The following RELN variants were observed in gnomAD, a reference collection of about 807,000 sequenced individuals.
RELN encodes the protein reelin.
RELN carries 108 observed loss-of-function variants against 427.6 expected under a neutral mutation model. The ratio of observed to expected loss-of-function variants is 0.25; its 90% CI spans 0.22 to 0.30. The LOEUF (loss-of-function observed/expected upper bound fraction) is 0.30, where lower values mean the gene tolerates loss of function less well. RELN is among the 10% of genes least tolerant of loss of function. The pLI, the probability that RELN is intolerant of heterozygous loss-of-function variation, is 1.00. For synonymous variants in RELN, 1,524 were observed against 1,513.4 expected, an observed-to-expected ratio of 1.01 and a Z score of -0.16; for missense variants, 3,715 against 4,302.8, an observed-to-expected ratio of 0.86 and a Z score of 3.82.
intron 1 of RELN, among the ~76,000 whole-genome samples, chr7:103,944,701 G>C (rs926878826): frequency 2.0e-5 from 3 of 152,150 alleles, no homozygotes; most frequent in Middle Eastern, 3.2e-3. Flanking sequence ...GCCAGGTCAT[G>C]GGCTGGGTTG....
intron 1 of RELN, among the ~76,000 whole-genome samples, chr7:103,923,719 T>C (rs986163653): frequency 2.6e-5 from 4 of 152,096 alleles, no homozygotes; most frequent in Non-Finnish European, 4.4e-5. Flanking sequence ...GCCCACCTAG[T>C]ATAGTCTCCT....
chr7:103,761,843 T>C (rs1253505498), intron 4 of RELN, among the ~76,000 whole-genome samples: 1 of 152,136 alleles, frequency 6.6e-6, no homozygotes, highest in Non-Finnish European at 1.5e-5. Flanking sequence ...AGTTCATAGA[T>C]GGAGCAGATG....
intron 12 of RELN, among the ~76,000 whole-genome samples, chr7:103,657,647 A>G (rs564130131): frequency 7.9e-5 from 12 of 152,258 alleles, no homozygotes; most frequent in African/African-American, 2.9e-4. Flanking sequence ...CCCAGCCCAG[A>G]ATGGCAGAAG....
intron 3 of RELN, among the ~76,000 whole-genome samples, chr7:103,778,690 C>T (rs1215123315): frequency 6.6e-6 from 1 of 152,130 alleles, no homozygotes; most frequent in Non-Finnish European, 1.5e-5. Context: ...TTATTTGTTG[C>T]CTTCATTAAT....
chr7:103,905,311 T>C (rs1298377450), intron 2 of RELN, among the ~76,000 whole-genome samples: 2 of 152,098 alleles, frequency 1.3e-5, no homozygotes, highest in Admixed American at 6.6e-5. Flanking sequence ...AGATACTTAA[T>C]CACTGTCCTA....
intron 10 of RELN, among the ~76,000 whole-genome samples, chr7:103,686,093 G>C (rs1209668319): frequency 6.6e-6 from 1 of 152,128 alleles, no homozygotes; most frequent in Non-Finnish European, 1.5e-5. Flanking sequence ...GATTCTTTCA[G>C]GCATCTGTAG....
At chr7:103,926,811 A>AT (rs899609858) in intron 1 of RELN, among the ~76,000 whole-genome samples, 5 of 151,356 alleles carry the variant, frequency 3.3e-5, no homozygotes, top group Admixed American at 2.6e-4. Flanking sequence ...CATCCAGCTA[A>AT]TTTTTTTTGT....
intron 2 of RELN, among the ~76,000 whole-genome samples, chr7:103,889,938 G>C (rs1193763946): frequency 6.6e-6 from 1 of 152,164 alleles, no homozygotes. Flanking sequence ...TTAGTTGGCA[G>C]TTTTAGTGTG....
chr7:103,581,099 G>A (rs974313393), intron 28 of RELN, among the ~76,000 whole-genome samples: 2 of 152,260 alleles, frequency 1.3e-5, no homozygotes, highest in Admixed American at 6.5e-5. Flanking sequence ...ATGTTCTCAG[G>A]GGGTGAAGTC....
chr7:103,773,114 T>A (rs900830306), intron 4 of RELN, among the ~76,000 whole-genome samples: 1 of 68,558 alleles, frequency 1.5e-5, no homozygotes, highest in South Asian at 5.7e-4. Flanking sequence ...CTTTCTTTCT[T>A]TCTTTCTTTC....
intron 2 of RELN, among the ~76,000 whole-genome samples, chr7:103,900,394 G>A (rs548814385): frequency 7.2e-5 from 11 of 152,058 alleles, no homozygotes; most frequent in African/African-American, 2.7e-4. Flanking sequence ...TAGATTCAAT[G>A]CCATCACCAA....
intron 11 of RELN, among the ~76,000 whole-genome samples, chr7:103,666,889 C>T (rs1352489611): frequency 6.6e-6 from 1 of 151,952 alleles, no homozygotes; most frequent in Non-Finnish European, 1.5e-5. Context: ...TTCAGGGTCC[C>T]GTATTTATAC....
intron 3 of RELN, among the ~76,000 whole-genome samples, chr7:103,820,927 G>A (rs1792998596): frequency 6.6e-6 from 1 of 151,978 alleles, no homozygotes. Context: ...TTTAAAGCAT[G>A]TTTATCGAAC....
intron 4 of RELN, among the ~76,000 whole-genome samples, chr7:103,757,975 A>C (rs1179680507): frequency 6.6e-6 from 1 of 152,176 alleles, no homozygotes; most frequent in Non-Finnish European, 1.5e-5. Flanking sequence ...GAATTTCTAC[A>C]TTTTTTCAGA....
At chr7:103,878,148 T>C (rs1212783689) in intron 2 of RELN, among the ~76,000 whole-genome samples, 2 of 152,062 alleles carry the variant, frequency 1.3e-5, no homozygotes, top group African/African-American at 2.4e-5. Flanking sequence ...TGAGCAACTG[T>C]GCCCAGCCTG....
At chr7:103,839,670 A>G (rs1318893906) in intron 2 of RELN, among the ~76,000 whole-genome samples, 1 of 152,210 alleles carries the variant, frequency 6.6e-6, no homozygotes, top group Non-Finnish European at 1.5e-5. Flanking sequence ...GTTATTAATA[A>G]GGACAATTAT....
At chr7:103,738,413 AT>A (rs1790548416) in intron 6 of RELN, among the ~76,000 whole-genome samples, 1 of 151,636 alleles carries the variant, frequency 6.6e-6, no homozygotes, top group South Asian at 2.1e-4. Context: ...TCTTATTGAA[AT>A]TTTTACTGAG....
chr7:103,758,965 T>C (rs1190198620), intron 4 of RELN, among the ~76,000 whole-genome samples: 1 of 151,966 alleles, frequency 6.6e-6, no homozygotes, highest in Non-Finnish European at 1.5e-5. Flanking sequence ...TTAAGTGACC[T>C]GAAGATTACA....
intron 20 of RELN, among the ~76,000 whole-genome samples, chr7:103,613,877 C>T (rs1352385743): frequency 6.6e-6 from 1 of 152,222 alleles, no homozygotes; most frequent in Non-Finnish European, 1.5e-5. Context: ...TTTTTACAAT[C>T]AGCATCTTGT....
Sources: allele counts gnomAD v4.1 joint callset (sites outside exome capture counted in the v4.1 genomes callset), GRCh38; gene constraint gnomAD v4.1.1; transcripts MANE v1.5; gene names NCBI Gene and HGNC (gene_info 2026-07-23, HGNC 2026-07-21).